Variants in KSR2 observed in about 807,000 individuals in gnomAD.
KSR2 encodes the protein kinase suppressor of ras 2.
Under a neutral mutation model 107.8 loss-of-function variants are expected in KSR2, and 25 were observed. That is an observed-to-expected ratio of 0.23 (90% CI 0.17 to 0.32). The LOEUF (loss-of-function observed/expected upper bound fraction) is 0.32, where lower values mean the gene tolerates loss of function less well. Ranked by LOEUF, KSR2 falls within the 10% of genes least tolerant of loss-of-function variation. The pLI, the probability that KSR2 is intolerant of heterozygous loss-of-function variation, is 1.00. For missense variants in KSR2, 887 were observed against 1,268.9 expected (o/e 0.70, Z 4.57); for synonymous variants, 480 against 507.0 (o/e 0.95, Z 0.71).
chr12:117,516,304 C>T (rs4767552), intron 14 of KSR2, among the ~76,000 whole-genome samples: 51,526 of 151,992 alleles, frequency 0.34, 10,322 homozygotes, highest in South Asian at 0.53. Flanking sequence ...AGATCTCCCT[C>T]TGGATGGCTC....
chr12:117,670,732 G>A (rs1884872277), intron 4 of KSR2, among the ~76,000 whole-genome samples: 1 of 152,070 alleles, frequency 6.6e-6, no homozygotes, highest in African/African-American at 2.4e-5. Context: ...TTTTGCTCTG[G>A]AGTAACTAAA....
At chr12:117,682,820 G>A (rs1322139615) in intron 4 of KSR2, among the ~76,000 whole-genome samples, 4 of 152,138 alleles carry the variant, frequency 2.6e-5, no homozygotes, top group African/African-American at 9.7e-5. Flanking sequence ...AATGGAATTG[G>A]GGGATCTGGA....
chr12:117,574,576 G>A (rs1255477256), intron 7 of KSR2, among the ~76,000 whole-genome samples: 1 of 152,096 alleles, frequency 6.6e-6, no homozygotes, highest in East Asian at 1.9e-4. Context: ...CTACCACAAG[G>A]ACAGCATGCA....
At position 117,854,605 on chromosome 12, in the gene KSR2, G is replaced by A. The variant is rs142755154; in HGVS notation, c.472+823C>T. On this transcript the variant is annotated intron_variant, in intron 3 of 19. Coordinates refer to ENST00000339824, the MANE Select transcript of KSR2 (RefSeq NM_173598.6). The stretch of plus-strand genomic sequence containing the variant: ...ATGCTCAACAGTGACACCTTGTGGT[G>A]GGAACTGCAACAACCGTGCTGATGG... Among the ~76,000 whole-genome samples, 81 of 152,276 alleles carry A rather than the reference G, an allele frequency of 5.3e-4. 1 individual carries two copies. The East Asian group carries it at 0.012, about 23-fold the overall frequency.
chr12:117,685,913 A>G (rs1565960825), intron 4 of KSR2, among the ~76,000 whole-genome samples: 1 of 152,150 alleles, frequency 6.6e-6, no homozygotes, highest in Non-Finnish European at 1.5e-5. Context: ...AAAAGCAAAG[A>G]TTTGCGGAAG....
At chr12:117,549,451 T>C (rs1185242112) in intron 9 of KSR2, among the ~76,000 whole-genome samples, 2 of 152,106 alleles carry the variant, frequency 1.3e-5, no homozygotes, top group Admixed American at 6.6e-5. Flanking sequence ...AAAAAAACCA[T>C]ATAGGCTTGT....
At chr12:117,527,183 G>T in intron 12 of KSR2, 64 bp from the exon 13 acceptor site, 2 of 1,229,250 alleles carry the variant, frequency 1.6e-6, no homozygotes, top group Non-Finnish European at 2.4e-6. Context: ...ATTGAGTTTA[G>T]CTATGTACGA....
chr12:117,934,804 G>A (rs552238502), intron 1 of KSR2, among the ~76,000 whole-genome samples: 7 of 152,068 alleles, frequency 4.6e-5, no homozygotes, highest in South Asian at 2.1e-4. Flanking sequence ...AGCCACAGTC[G>A]TCTTCTTCTT....
intron 16 of KSR2, among the ~76,000 whole-genome samples, chr12:117,478,611 AT>A (rs1298959188): frequency 2.0e-5 from 3 of 149,886 alleles, no homozygotes; most frequent in African/African-American, 7.4e-5. Flanking sequence ...ATTTTATTTT[AT>A]TTTTTTTTAG....
intron 5 of KSR2, among the ~76,000 whole-genome samples, chr12:117,666,631 G>T (rs1289873580): frequency 6.6e-6 from 1 of 152,196 alleles, no homozygotes; most frequent in Non-Finnish European, 1.5e-5. Context: ...ATGTATCAGG[G>T]CTCAGTGAAC....
At chr12:117,566,277 G>A (rs965615322) in intron 7 of KSR2, among the ~76,000 whole-genome samples, 2 of 152,034 alleles carry the variant, frequency 1.3e-5, no homozygotes, top group Admixed American at 1.3e-4. Context: ...GCGCCACCAC[G>A]CCTGGCTAAT....
At chr12:117,692,507 CACACACACATATATAT>C (rs1565963767) in intron 4 of KSR2, among the ~76,000 whole-genome samples, 6 of 98,594 alleles carry the variant, frequency 6.1e-5, no homozygotes, top group Admixed American at 3.2e-4. Context: ...TATATATATA[CACACACACATATATAT>C]ACACACACAC....
intron 14 of KSR2, among the ~76,000 whole-genome samples, chr12:117,504,318 A>G (rs1006125652): frequency 3.3e-5 from 5 of 152,240 alleles, no homozygotes; most frequent in African/African-American, 1.2e-4. Context: ...ATCTGTTTCA[A>G]TTGAAAGTCC....
At chr12:117,612,224 T>C (rs184290959) in intron 5 of KSR2, among the ~76,000 whole-genome samples, 1 of 152,166 alleles carries the variant, frequency 6.6e-6, no homozygotes, top group African/African-American at 2.4e-5. Context: ...GCCAACATGG[T>C]GAAACCTCGT....
At chr12:117,875,990 A>G (rs1328268714) in intron 1 of KSR2, among the ~76,000 whole-genome samples, 1 of 152,068 alleles carries the variant, frequency 6.6e-6, no homozygotes, top group Non-Finnish European at 1.5e-5. Flanking sequence ...CTTTCAATAA[A>G]CCAACATCCT....
At chr12:117,639,064 C>CA (rs1243808535) in intron 5 of KSR2, among the ~76,000 whole-genome samples, 1 of 151,888 alleles carries the variant, frequency 6.6e-6, no homozygotes, top group Non-Finnish European at 1.5e-5. Context: ...CTTTATTTTA[C>CA]AAAAAAGGCA....
At chr12:117,807,197 G>A (rs901696708) in intron 3 of KSR2, among the ~76,000 whole-genome samples, 26 of 152,112 alleles carry the variant, frequency 1.7e-4, no homozygotes, top group Admixed American at 1.0e-3. Flanking sequence ...AAACAAAGCC[G>A]GGAGAAAATG....
At chr12:117,809,014 T>C (rs998327359) in intron 3 of KSR2, among the ~76,000 whole-genome samples, 1 of 152,216 alleles carries the variant, frequency 6.6e-6, no homozygotes, top group African/African-American at 2.4e-5. Flanking sequence ...TTGAAGATGG[T>C]AGAGCATGGG....
At chr12:117,795,312 A>G (rs1168323131) in intron 3 of KSR2, among the ~76,000 whole-genome samples, 1 of 152,220 alleles carries the variant, frequency 6.6e-6, no homozygotes, top group Non-Finnish European at 1.5e-5. Context: ...CAACTTGTCA[A>G]TGGTGTCACC....
Sources: gnomAD v4.1 joint callset for allele counts (sites outside exome capture counted in the v4.1 genomes callset) on GRCh38, gnomAD v4.1.1 for gene constraint, MANE v1.5 for transcripts, NCBI Gene and HGNC (gene_info 2026-07-23, HGNC 2026-07-21) for gene names.